GABRG3: variants seen among roughly 807,000 people sequenced by gnomAD.
GABRG3 encodes the protein gamma-aminobutyric acid receptor subunit gamma-3.
In GABRG3, 25 loss-of-function variants were observed where a neutral mutation model predicts 48.8. That is an observed-to-expected ratio of 0.51 (90% confidence interval 0.37 to 0.72). GABRG3 has a LOEUF of 0.72. Among genes scored for constraint, GABRG3 ranks in the 30% least tolerant of loss-of-function variants. GABRG3 has a pLI of 0.00. For missense variants in GABRG3, 394 were observed against 577.9 expected (o/e 0.68, Z 3.26); for synonymous variants, 227 against 217.6 (o/e 1.04, Z -0.38).
At chr15:27,411,371 G>A (rs1454583971) in intron 5 of GABRG3, among the ~76,000 whole-genome samples, 4 of 152,160 alleles carry the variant, frequency 2.6e-5, no homozygotes, top group Admixed American at 2.0e-4. Flanking sequence ...TTGCTAGGCT[G>A]CTGGTTTTCA....
chr15:27,308,117 C>G (rs1408634103), intron 3 of GABRG3, among the ~76,000 whole-genome samples: 2 of 124,180 alleles, frequency 1.6e-5, no homozygotes, highest in Non-Finnish European at 3.3e-5. Context: ...TTTATACATC[C>G]AAACATATAT....
chr15:27,523,641 T>G (rs3097498), intron 7 of GABRG3, among the ~76,000 whole-genome samples: 22 of 151,488 alleles, frequency 1.5e-4, no homozygotes, highest in Admixed American at 5.9e-4. Context: ...AATGAAAAAA[T>G]AGAAAAGCTC....
At chr15:27,389,661 TATC>T (rs774875553) in intron 5 of GABRG3, among the ~76,000 whole-genome samples, 9 of 152,198 alleles carry the variant, frequency 5.9e-5, no homozygotes, top group Non-Finnish European at 1.3e-4. Flanking sequence ...ACACATGTAA[TATC>T]ATCCTACAGA....
chr15:27,356,383 A>G (rs957271271), intron 5 of GABRG3, among the ~76,000 whole-genome samples: 2 of 152,208 alleles, frequency 1.3e-5, no homozygotes, highest in South Asian at 2.1e-4. Flanking sequence ...CTGGGCCTCA[A>G]CATTCGTTAT....
intron 3 of GABRG3, among the ~76,000 whole-genome samples, chr15:27,278,293 G>A (rs549783400): frequency 2.2e-4 from 34 of 151,998 alleles, no homozygotes; most frequent in African/African-American, 6.8e-4. Context: ...CTTGTGATCC[G>A]CCCGCCTCGG....
At chr15:27,233,296 A>G (rs1889855626) in intron 3 of GABRG3, among the ~76,000 whole-genome samples, 1 of 152,186 alleles carries the variant, frequency 6.6e-6, no homozygotes, top group African/African-American at 2.4e-5. Context: ...AAACCTTTCT[A>G]GCGAGCATAA....
rs190616099 is a variant in GABRG3 at position 27,121,202 on chromosome 15, G to A, written c.270+94381G>A. ...AACCAGGTAAGGAATCAAATGTCTG[G>A]TTATTCTGGAAGCTGGTTAATTTTC... On this transcript the variant is annotated intron_variant, in intron 3 of 9. Coordinates refer to ENST00000615808, the MANE Select transcript of GABRG3 (RefSeq NM_033223.5). 5.9e-5 allele frequency among the ~76,000 whole-genome samples: 9 copies of A among 152,310 alleles called. No individual in the cohort carries two copies. In the East Asian group the frequency reaches 1.7e-3, roughly 29 times the overall value.
intron 5 of GABRG3, among the ~76,000 whole-genome samples, chr15:27,455,580 GTA>G (rs1374286969): frequency 8.6e-5 from 13 of 151,728 alleles, no homozygotes; most frequent in Non-Finnish European, 1.6e-4. Context: ...TGTGTGGTGT[GTA>G]TGTGTGCTAT....
chr15:27,464,498 G>A (rs1233116286), intron 5 of GABRG3, among the ~76,000 whole-genome samples: 1 of 152,136 alleles, frequency 6.6e-6, no homozygotes, highest in Non-Finnish European at 1.5e-5. Flanking sequence ...TGGAATTTCT[G>A]GGTCCTACGG....
intron 3 of GABRG3, among the ~76,000 whole-genome samples, chr15:27,197,925 G>C (rs932429108): frequency 2.6e-5 from 4 of 152,136 alleles, no homozygotes; most frequent in African/African-American, 4.8e-5. Context: ...TCTGGTGGTA[G>C]TTTGTATTTC....
At chr15:27,204,680 G>A (rs1287546917) in intron 3 of GABRG3, among the ~76,000 whole-genome samples, 1 of 152,060 alleles carries the variant, frequency 6.6e-6, no homozygotes, top group Non-Finnish European at 1.5e-5. Context: ...AGCATAGAAT[G>A]TTTTTTCATT....
At chr15:27,427,788 A>C (rs969995008) in intron 5 of GABRG3, among the ~76,000 whole-genome samples, 1 of 152,180 alleles carries the variant, frequency 6.6e-6, no homozygotes. Context: ...TATTCTTGTC[A>C]TACATGCCTG....
intron 5 of GABRG3, among the ~76,000 whole-genome samples, chr15:27,405,373 A>G (rs1432558687): frequency 6.6e-6 from 1 of 152,204 alleles, no homozygotes; most frequent in Non-Finnish European, 1.5e-5. Flanking sequence ...GTACACAAAA[A>G]TGAGATGACA....
intron 3 of GABRG3, among the ~76,000 whole-genome samples, chr15:27,204,622 C>A (rs1237145747): frequency 6.6e-6 from 1 of 152,070 alleles, no homozygotes; most frequent in Admixed American, 6.6e-5. Context: ...CTGTAAATTG[C>A]TTTGGGCAGT....
intron 5 of GABRG3, among the ~76,000 whole-genome samples, chr15:27,346,790 T>C (rs139291336): frequency 0.013 from 2,052 of 152,314 alleles, 47 homozygotes; most frequent in African/African-American, 0.047. Flanking sequence ...CATTTCCTTC[T>C]TCTTGTTTCC....
chr15:27,248,617 C>T (rs1351437862), intron 3 of GABRG3, among the ~76,000 whole-genome samples: 2 of 152,114 alleles, frequency 1.3e-5, no homozygotes. Flanking sequence ...GCCTGTGTAC[C>T]TGCCCTGTAC....
At position 26,971,457 on chromosome 15, in the gene GABRG3, C is replaced by A; in HGVS notation, c.-79C>A. ...CGGAGGAAGCCAGGGCAAAGAGGGC[C>A]GGCGGAGACCAGGTCCGCGCCGGAG... On this transcript the variant is annotated 5_prime_UTR_variant, in exon 1 of 10. Transcript: ENST00000615808. 1 of 1,237,606 alleles carries A rather than the reference C, an allele frequency of 8.1e-7. No individual in the cohort carries two copies. 76.7% of individuals were successfully genotyped at this position (1,237,606 alleles called of 1,614,324 possible).
chr15:27,327,155 G>C, intron 4 of GABRG3, 126 bp downstream of exon 4: 2 of 816,642 alleles, frequency 2.4e-6, no homozygotes, highest in East Asian at 2.7e-5. Flanking sequence ...ACATACTACA[G>C]CATCCTGAGA....
chr15:27,124,114 A>G (rs1022910152), intron 3 of GABRG3, among the ~76,000 whole-genome samples: 1 of 152,226 alleles, frequency 6.6e-6, no homozygotes, highest in Admixed American at 6.5e-5. Context: ...TTAAGATCAC[A>G]GAAGAATGGT....
Sources: allele counts gnomAD v4.1 joint callset (sites outside exome capture counted in the v4.1 genomes callset), GRCh38; gene constraint gnomAD v4.1.1; transcripts MANE v1.5; gene names NCBI Gene and HGNC (gene_info 2026-07-23, HGNC 2026-07-21).